ASIC2: variants seen among roughly 807,000 people sequenced by gnomAD.
ASIC2 encodes the protein acid sensing ion channel subunit 2.
ASIC2 carries 25 observed loss-of-function variants against 57.3 expected under a neutral mutation model. The ratio of observed to expected loss-of-function variants is 0.44; its 90% CI spans 0.32 to 0.61. ASIC2 has a LOEUF of 0.61. Ranked by LOEUF, ASIC2 falls within the 20% of genes least tolerant of loss-of-function variation. The pLI is 0.06. For synonymous variants in ASIC2, 319 were observed against 307.5 expected (o/e 1.04, Z -0.39); for missense variants, 641 against 738.1 (o/e 0.87, Z 1.52).
At chr17:34,042,737 T>C (rs1908186645) in intron 1 of ASIC2, among the ~76,000 whole-genome samples, 1 of 152,136 alleles carries the variant, frequency 6.6e-6, no homozygotes, top group Non-Finnish European at 1.5e-5. Flanking sequence ...GTTTTAGTAC[T>C]TTTTATTGCT....
intron 1 of ASIC2, chr17:34,069,719 CCT>C (rs1909327695): frequency 6.6e-6 from 1 of 152,216 alleles, no homozygotes; most frequent in Admixed American, 6.5e-5. Context: ...AACATTCAAA[CCT>C]CTCTTAGCCA....
intron 1 of ASIC2, among the ~76,000 whole-genome samples, chr17:34,069,041 T>G (rs1909280470): frequency 6.6e-6 from 1 of 152,188 alleles, no homozygotes. Flanking sequence ...TGGCTCCCAC[T>G]GACACAGGAG....
chr17:33,155,752 G>A (rs1186634812), intron 1 of ASIC2, among the ~76,000 whole-genome samples: 1 of 151,718 alleles, frequency 6.6e-6, no homozygotes, highest in African/African-American at 2.4e-5. Context: ...TAGAGATGGG[G>A]TTTCACTGTG....
intron 1 of ASIC2, among the ~76,000 whole-genome samples, chr17:33,637,792 C>T (rs561368199): frequency 2.3e-4 from 35 of 152,276 alleles, no homozygotes; most frequent in South Asian, 1.9e-3. Context: ...CGTGGTATTA[C>T]AGTAAAGAAA....
At chr17:34,032,780 A>T (rs61433813) in intron 1 of ASIC2, among the ~76,000 whole-genome samples, 31,750 of 152,074 alleles carry the variant, frequency 0.21, 4,598 homozygotes, top group African/African-American at 0.41. Flanking sequence ...CATTACATAA[A>T]GGGAAAGGGA....
intron 1 of ASIC2, among the ~76,000 whole-genome samples, chr17:33,417,828 C>T (rs901297985): frequency 2.2e-4 from 34 of 152,186 alleles, no homozygotes; most frequent in Admixed American, 2.1e-3. Context: ...GAGTCCACAA[C>T]ATCTGTGTGA....
chr17:33,698,387 G>C (rs1452125040), intron 1 of ASIC2, among the ~76,000 whole-genome samples: 2 of 152,152 alleles, frequency 1.3e-5, no homozygotes, highest in Non-Finnish European at 2.9e-5. Flanking sequence ...ATTCATGTGT[G>C]TGAAATGCTT....
At chr17:33,227,608 G>A (rs1907937958) in intron 1 of ASIC2, among the ~76,000 whole-genome samples, 1 of 152,068 alleles carries the variant, frequency 6.6e-6, no homozygotes, top group South Asian at 2.1e-4. Flanking sequence ...CTGACCTCCA[G>A]GCCCTGTAGT....
At chr17:33,082,760 C>T (rs1303545225) in intron 3 of ASIC2, among the ~76,000 whole-genome samples, 1 of 151,444 alleles carries the variant, frequency 6.6e-6, no homozygotes, top group African/African-American at 2.4e-5. Context: ...ATGGTTTGAG[C>T]AAAGAGTCTG....
intron 1 of ASIC2, among the ~76,000 whole-genome samples, chr17:33,784,087 G>A (rs1157469230): frequency 6.6e-6 from 1 of 152,152 alleles, no homozygotes; most frequent in Non-Finnish European, 1.5e-5. Context: ...GTTTTGTGAG[G>A]TTGGGGGGTC....
chr17:33,094,155 C>T (rs2092168569), intron 2 of ASIC2, among the ~76,000 whole-genome samples: 1 of 152,184 alleles, frequency 6.6e-6, no homozygotes. Context: ...CAGAGACTGT[C>T]TTGATGGACT....
intron 1 of ASIC2, among the ~76,000 whole-genome samples, chr17:33,948,901 G>A (rs1904470108): frequency 6.6e-6 from 1 of 152,208 alleles, no homozygotes; most frequent in Non-Finnish European, 1.5e-5. Context: ...GGGCCAGAGA[G>A]TAGATCTTTT....
intron 1 of ASIC2, among the ~76,000 whole-genome samples, chr17:33,430,964 G>A (rs936659860): frequency 6.6e-6 from 1 of 152,140 alleles, no homozygotes; most frequent in Non-Finnish European, 1.5e-5. Context: ...ATAAGCAGGT[G>A]AGGACAAACC....
At chr17:33,659,870 TCAAA>T (rs1167612591) in intron 1 of ASIC2, among the ~76,000 whole-genome samples, 3 of 97,750 alleles carry the variant, frequency 3.1e-5, no homozygotes, top group East Asian at 3.0e-4. Flanking sequence ...AGACTCTGTC[TCAAA>T]TAAATAAATA....
chr17:33,414,594 G>A (rs570863005), intron 1 of ASIC2, among the ~76,000 whole-genome samples: 16 of 152,266 alleles, frequency 1.1e-4, no homozygotes, highest in African/African-American at 2.9e-4. Flanking sequence ...CTCAGTTACC[G>A]CTAGGCTCAT....
intron 1 of ASIC2, among the ~76,000 whole-genome samples, chr17:33,238,909 A>T (rs115867945): frequency 1.2e-3 from 178 of 151,628 alleles, no homozygotes; most frequent in African/African-American, 4.3e-3. Context: ...GAGGCTGAGG[A>T]TGGAAAATCA....
intron 1 of ASIC2, among the ~76,000 whole-genome samples, chr17:33,590,887 T>A (rs1904805148): frequency 6.6e-6 from 1 of 152,128 alleles, no homozygotes; most frequent in Non-Finnish European, 1.5e-5. Context: ...CAAAGCTTGG[T>A]TTACTTGATT....
At chr17:33,032,483 C>T (rs2091888414) in intron 3 of ASIC2, among the ~76,000 whole-genome samples, 1 of 124,594 alleles carries the variant, frequency 8.0e-6, no homozygotes, top group African/African-American at 3.3e-5. Flanking sequence ...AAGTCTCACT[C>T]TCTTACCCAG....
At position 33,542,400 on chromosome 17, in the gene ASIC2, A is replaced by G. The variant is rs1336001964; in HGVS notation, c.556-430333T>C. Among the ~76,000 whole-genome samples the G allele has an allele frequency of 3.6e-4, 44 of 123,224 alleles. 1 individual carries two copies. Among genetic ancestry groups the G allele is most frequent in the Admixed American group, 3.5e-4 (4 of 11,540 alleles). The allele number at this position is 123,224 out of a possible 152,430, so 80.8% of individuals were successfully genotyped here. On this transcript the variant is annotated intron_variant, in intron 1 of 9. Coordinates refer to the ASIC2 transcript ENST00000359872. ...GTTCCTATTTCTCCACATCCTCTCCAGCACCTGTTGTTTCCTGACTTTTTA... is the reference window on the plus strand; with the variant it reads ...GTTCCTATTTCTCCACATCCTCTCCGGCACCTGTTGTTTCCTGACTTTTTA...
Sources: gnomAD v4.1 joint callset for allele counts (sites outside exome capture counted in the v4.1 genomes callset) on GRCh38, gnomAD v4.1.1 for gene constraint, MANE v1.5 for transcripts, NCBI Gene and HGNC (gene_info 2026-07-23, HGNC 2026-07-21) for gene names.